CDH18: variants seen among roughly 807,000 people sequenced by gnomAD.
CDH18 encodes cadherin 18.
A neutral mutation model predicts 67.9 loss-of-function variants in CDH18; 31 were observed. The observed-to-expected ratio is 0.46, with a 90% confidence interval of 0.34 to 0.62. The LOEUF (loss-of-function observed/expected upper bound fraction) is 0.62, where lower values mean the gene tolerates loss of function less well. CDH18 is among the 20% of genes least tolerant of loss of function. CDH18 has a pLI of 0.01. For synonymous variants in CDH18, 362 were observed against 347.2 expected (o/e 1.04, Z -0.48); for missense variants, 890 against 975.5 (o/e 0.91, Z 1.17).
At chr5:20,339,507 C>T (rs1390822144) in intron 1 of CDH18, among the ~76,000 whole-genome samples, 1 of 152,028 alleles carries the variant, frequency 6.6e-6, no homozygotes, top group African/African-American at 2.4e-5. Context: ...TGGACTGGGA[C>T]AGGGAGGCGG....
chr5:19,635,077 T>C (rs1173916718), intron 5 of CDH18, among the ~76,000 whole-genome samples: 2 of 152,220 alleles, frequency 1.3e-5, no homozygotes, highest in African/African-American at 2.4e-5. Context: ...TATAACACAA[T>C]GTTTACACAT....
chr5:20,048,782 C>G (rs1178336832), intron 2 of CDH18, among the ~76,000 whole-genome samples: 3 of 151,474 alleles, frequency 2.0e-5, no homozygotes, highest in Non-Finnish European at 4.4e-5. Flanking sequence ...TATGTAATAA[C>G]TCCTTCTACA....
At chr5:19,558,975 T>C (rs1738953164) in intron 8 of CDH18, among the ~76,000 whole-genome samples, 1 of 152,090 alleles carries the variant, frequency 6.6e-6, no homozygotes, top group African/African-American at 2.4e-5. Flanking sequence ...TAGTTTACTA[T>C]GAACAAAGTT....
chr5:20,519,093 G>A (rs770642295), intron 1 of CDH18, among the ~76,000 whole-genome samples: 10 of 152,022 alleles, frequency 6.6e-5, no homozygotes, highest in African/African-American at 1.4e-4. Context: ...TTTTAATTAC[G>A]GATGATTGAA....
At chr5:19,753,485 A>G (rs964053339) in intron 3 of CDH18, among the ~76,000 whole-genome samples, 6 of 152,230 alleles carry the variant, frequency 3.9e-5, no homozygotes, top group African/African-American at 1.4e-4. Flanking sequence ...AGAAGAAAGA[A>G]TAAGAAAATA....
chr5:19,842,563 T>C (rs1435946759), intron 2 of CDH18, among the ~76,000 whole-genome samples: 3 of 152,172 alleles, frequency 2.0e-5, no homozygotes, highest in Non-Finnish European at 2.9e-5. Context: ...CTCTTTGCTT[T>C]ATAAATTTCC....
chr5:19,477,591 C>A (rs982232996), intron 12 of CDH18, among the ~76,000 whole-genome samples: 2 of 150,762 alleles, frequency 1.3e-5, no homozygotes, highest in Non-Finnish European at 3.0e-5. Context: ...GAAATGTTTC[C>A]AAAAAAAATC....
intron 1 of CDH18, among the ~76,000 whole-genome samples, chr5:20,521,808 TACACAC>T (rs111371227): frequency 1.3e-5 from 2 of 149,884 alleles, no homozygotes; most frequent in African/African-American, 4.9e-5. Flanking sequence ...CACACACACA[TACACAC>T]ACACACACAC....
At chr5:20,243,851 C>A (rs890055464) in intron 2 of CDH18, among the ~76,000 whole-genome samples, 1 of 152,054 alleles carries the variant, frequency 6.6e-6, no homozygotes, top group Non-Finnish European at 1.5e-5. Flanking sequence ...CACTTGGGAA[C>A]CTCCACTTCA....
chr5:19,695,064 A>G (rs1170422064), intron 5 of CDH18, among the ~76,000 whole-genome samples: 1 of 152,130 alleles, frequency 6.6e-6, no homozygotes, highest in Non-Finnish European at 1.5e-5. Context: ...CCTCTATCCC[A>G]CTTGATTGCC....
At chr5:20,289,594 T>C (rs911992301) in intron 1 of CDH18, among the ~76,000 whole-genome samples, 1 of 152,036 alleles carries the variant, frequency 6.6e-6, no homozygotes, top group Non-Finnish European at 1.5e-5. Context: ...ATATCTTTCT[T>C]AATGAATCTC....
intron 2 of CDH18, among the ~76,000 whole-genome samples, chr5:20,166,073 C>A (rs1393406790): frequency 6.6e-6 from 1 of 152,128 alleles, no homozygotes; most frequent in Non-Finnish European, 1.5e-5. Context: ...TACCAGGAAT[C>A]CTTGTCCCAA....
intron 1 of CDH18, among the ~76,000 whole-genome samples, chr5:20,335,626 T>C (rs1374801288): frequency 6.6e-6 from 1 of 152,220 alleles, no homozygotes; most frequent in Non-Finnish European, 1.5e-5. Context: ...AAAATATGCA[T>C]ACTTCAACTT....
intron 2 of CDH18, among the ~76,000 whole-genome samples, chr5:19,942,468 G>A (rs1352120964): frequency 1.3e-5 from 2 of 152,100 alleles, no homozygotes; most frequent in Non-Finnish European, 2.9e-5. Flanking sequence ...TTTTTATCAA[G>A]GGAGCGATAT....
chr5:19,745,680 C>A (rs965948792), intron 4 of CDH18, among the ~76,000 whole-genome samples: 1 of 152,132 alleles, frequency 6.6e-6, no homozygotes, highest in Non-Finnish European at 1.5e-5. Flanking sequence ...GTATTCTGGG[C>A]CTCTCTTAGG....
chr5:20,065,168 T>A (rs543806084), intron 2 of CDH18, among the ~76,000 whole-genome samples: 8 of 151,922 alleles, frequency 5.3e-5, no homozygotes, highest in African/African-American at 1.9e-4. Flanking sequence ...TTCTACTTAT[T>A]ATAAGTTAAG....
intron 2 of CDH18, among the ~76,000 whole-genome samples, chr5:20,083,428 G>A (rs988371042): frequency 4.0e-5 from 6 of 151,870 alleles, no homozygotes; most frequent in African/African-American, 1.5e-4. Context: ...TTGCAGAGTT[G>A]TGGCAACCTG....
chr5:20,009,974 C>T (rs1737265312), intron 2 of CDH18, among the ~76,000 whole-genome samples: 1 of 152,024 alleles, frequency 6.6e-6, no homozygotes, highest in Non-Finnish European at 1.5e-5. Flanking sequence ...TAATTTTGAT[C>T]CTCAGATTGT....
intron 5 of CDH18, among the ~76,000 whole-genome samples, chr5:19,703,191 G>C (rs1714445119): frequency 6.6e-6 from 1 of 152,088 alleles, no homozygotes; most frequent in Non-Finnish European, 1.5e-5. Context: ...GCTGGTCTCG[G>C]CAAGTGGTGC....
Sources: allele counts gnomAD v4.1 joint callset (sites outside exome capture counted in the v4.1 genomes callset), GRCh38; gene constraint gnomAD v4.1.1; transcripts MANE v1.5; gene names NCBI Gene and HGNC (gene_info 2026-07-23, HGNC 2026-07-21).